Variants in PDE1C observed in about 807,000 individuals in gnomAD.
PDE1C encodes dual specificity calcium/calmodulin-dependent 3',5'-cyclic nucleotide phosphodiesterase 1C.
In PDE1C, 62 loss-of-function variants were observed where a neutral mutation model predicts 93.1. That is an observed-to-expected ratio of 0.67 (90% CI 0.54 to 0.82). The LOEUF (loss-of-function observed/expected upper bound fraction) is 0.82, where lower values mean the gene tolerates loss of function less well. Ranked by LOEUF, PDE1C falls within the 40% of genes least tolerant of loss-of-function variation. The probability of loss-of-function intolerance (pLI) is 0.00; values close to 1 mark genes in which losing one functional copy is unlikely to be tolerated. For missense variants in PDE1C, 742 were observed against 884.6 expected (o/e 0.84, Z 2.04); for synonymous variants, 325 against 310.1 (o/e 1.05, Z -0.50).
intron 1 of PDE1C, among the ~76,000 whole-genome samples, chr7:32,381,352 C>T (rs1784531097): frequency 6.6e-6 from 1 of 152,104 alleles, no homozygotes; most frequent in Admixed American, 6.6e-5. Context: ...CTGTTCATCG[C>T]TGCACCCTTG....
the PDE1C span, among the ~76,000 whole-genome samples, chr7:31,622,353 G>T: frequency 6.6e-6 from 1 of 152,020 alleles, no homozygotes; most frequent in African/African-American, 2.4e-5. Context: ...CCAGATAGTT[G>T]GAAGTAAAGC....
At chr7:31,681,184 G>A in the PDE1C span, among the ~76,000 whole-genome samples, 4 of 152,224 alleles carry the variant, frequency 2.6e-5, no homozygotes, top group East Asian at 1.9e-4. Context: ...GTAGGTAAAC[G>A]GCTACTGCAT....
Position 31,751,911 on chromosome 7 carries a change from C to T in PDE1C, c.*1473G>A, listed in dbSNP as rs1234230615. The T allele has an allele frequency of 6.6e-6, 1 of 152,170 alleles. No individual in the cohort carries two copies. Among genetic ancestry groups the T allele is most frequent in the Non-Finnish European group, 1.5e-5 (1 of 68,060 alleles). The allele number at this position is 152,170 out of a possible 1,614,324, so 9.4% of individuals were successfully genotyped here. On this transcript the variant is annotated 3_prime_UTR_variant, in exon 18 of 18. Transcript: ENST00000396191. ...CTGGAAGGTCGAGGCCATCCGGGAA[C>T]AAACAGCTCCTTCTTTGTAGGGCTG...
chr7:32,394,798 A>G (rs531311518), intron 1 of PDE1C, among the ~76,000 whole-genome samples: 4 of 152,302 alleles, frequency 2.6e-5, no homozygotes, highest in African/African-American at 4.8e-5. Flanking sequence ...TGGGTGACAG[A>G]GCGAGACCCT....
chr7:31,667,727 C>T, the PDE1C span, among the ~76,000 whole-genome samples: 1 of 151,946 alleles, frequency 6.6e-6, no homozygotes, highest in South Asian at 2.1e-4. Flanking sequence ...TCATATTGTA[C>T]TGGCTCATCG....
At chr7:31,843,128 T>C (rs1002109229) in intron 9 of PDE1C, among the ~76,000 whole-genome samples, 1 of 151,992 alleles carries the variant, frequency 6.6e-6, no homozygotes, top group African/African-American at 2.4e-5. Flanking sequence ...TATTAAAACT[T>C]ATTTTAAAAT....
chr7:32,067,926 T>G (rs1795592195), intron 1 of PDE1C, among the ~76,000 whole-genome samples: 1 of 152,224 alleles, frequency 6.6e-6, no homozygotes, highest in African/African-American at 2.4e-5. Context: ...GTATGTGTCC[T>G]CATGGAACTT....
intron 2 of PDE1C, among the ~76,000 whole-genome samples, chr7:31,890,454 A>G (rs913616022): frequency 6.6e-6 from 1 of 152,212 alleles, no homozygotes; most frequent in Admixed American, 6.5e-5. Flanking sequence ...GTTGCAACCC[A>G]TGCCTAGACA....
intron 2 of PDE1C, among the ~76,000 whole-genome samples, chr7:32,201,987 ATCG>A (rs1275105790): frequency 6.6e-6 from 1 of 152,212 alleles, no homozygotes; most frequent in Non-Finnish European, 1.5e-5. Context: ...GAGGAAAGCA[ATCG>A]ACAGAGGTAG....
intron 11 of PDE1C, among the ~76,000 whole-genome samples, chr7:31,832,383 T>A (rs904085078): frequency 2.0e-5 from 3 of 152,202 alleles, no homozygotes; most frequent in Non-Finnish European, 4.4e-5. Flanking sequence ...CCTGAGGCAG[T>A]GGCTCGGATT....
intron 17 of PDE1C, among the ~76,000 whole-genome samples, chr7:31,758,147 T>C (rs1366298635): frequency 1.3e-5 from 2 of 151,946 alleles, no homozygotes; most frequent in Non-Finnish European, 2.9e-5. Flanking sequence ...GGGCCTGTCA[T>C]GGGGTGGGGG....
intron 1 of PDE1C, among the ~76,000 whole-genome samples, chr7:32,283,786 G>C (rs1189301511): frequency 6.6e-6 from 1 of 152,136 alleles, no homozygotes; most frequent in Non-Finnish European, 1.5e-5. Context: ...CCTCATTAAG[G>C]GCATCTGTTC....
chr7:32,359,551 G>A (rs1368941737), intron 1 of PDE1C, among the ~76,000 whole-genome samples: 3 of 152,190 alleles, frequency 2.0e-5, no homozygotes, highest in East Asian at 3.8e-4. Context: ...CACATAGTAA[G>A]TGCTCGGTTA....
chr7:31,722,514 C>T, the PDE1C span, among the ~76,000 whole-genome samples: 5 of 152,140 alleles, frequency 3.3e-5, no homozygotes, highest in East Asian at 1.9e-4. Flanking sequence ...TATTCATACA[C>T]GCTTATACTG....
chr7:32,141,864 G>T (rs1430779371), intron 3 of PDE1C, among the ~76,000 whole-genome samples: 1 of 152,128 alleles, frequency 6.6e-6, no homozygotes, highest in Non-Finnish European at 1.5e-5. Context: ...ACTGGGTGAG[G>T]TATATGGTGA....
chr7:32,292,569 T>C (rs1030907045), intron 1 of PDE1C, among the ~76,000 whole-genome samples: 1 of 152,220 alleles, frequency 6.6e-6, no homozygotes, highest in African/African-American at 2.4e-5. Flanking sequence ...ACACTATTTA[T>C]TATGTCCATT....
intron 1 of PDE1C, among the ~76,000 whole-genome samples, chr7:32,328,864 T>C (rs969752289): frequency 1.4e-4 from 21 of 152,244 alleles, no homozygotes; most frequent in Admixed American, 1.4e-3. Flanking sequence ...GGACATGGCC[T>C]TCTTGGTCAC....
At chr7:32,277,547 G>A (rs1386025868) in intron 1 of PDE1C, among the ~76,000 whole-genome samples, 1 of 152,170 alleles carries the variant, frequency 6.6e-6, no homozygotes, top group Non-Finnish European at 1.5e-5. Flanking sequence ...ATTGATCATA[G>A]TCTAATACTA....
chr7:31,951,011 T>C (rs1807295098), intron 2 of PDE1C, among the ~76,000 whole-genome samples: 2 of 152,186 alleles, frequency 1.3e-5, no homozygotes, highest in Admixed American at 6.5e-5. Flanking sequence ...TTTCTCCTGA[T>C]GCCTCTCTTC....
Sources: allele counts gnomAD v4.1 joint callset (sites outside exome capture counted in the v4.1 genomes callset), GRCh38; gene constraint gnomAD v4.1.1; transcripts MANE v1.5; gene names NCBI Gene and HGNC (gene_info 2026-07-23, HGNC 2026-07-21).